NRXN1: variants seen among roughly 807,000 people sequenced by gnomAD.
NRXN1 encodes neurexin-1.
NRXN1 carries 39 observed loss-of-function variants against 150.9 expected under a neutral mutation model. That is an observed-to-expected ratio of 0.26 (90% CI 0.20 to 0.34). NRXN1 has a LOEUF of 0.34. Among genes scored for constraint, NRXN1 ranks in the 10% least tolerant of loss-of-function variants. NRXN1 has a pLI of 1.00. For synonymous variants in NRXN1, 924 were observed against 757.0 expected (o/e 1.22, Z -3.62); for missense variants, 1,815 against 1,949.9 (o/e 0.93, Z 1.30).
chr2:50,907,673 C>T (rs772925926), intron 5 of NRXN1, among the ~76,000 whole-genome samples: 2 of 151,870 alleles, frequency 1.3e-5, no homozygotes, highest in Non-Finnish European at 2.9e-5. Flanking sequence ...CTGAGAGATG[C>T]AAGGTTACTG....
intron 8 of NRXN1, among the ~76,000 whole-genome samples, chr2:50,562,040 GA>G (rs1669168067): frequency 6.6e-6 from 1 of 152,110 alleles, no homozygotes; most frequent in Admixed American, 6.6e-5. Context: ...TTCAATGGGG[GA>G]AAAGTAGCAC....
At chr2:50,564,151 T>G in intron 8 of NRXN1, among the ~76,000 whole-genome samples, 1 of 152,218 alleles carries the variant, frequency 6.6e-6, no homozygotes. Context: ...CTTGGCCAAG[T>G]TGCTTATTCT....
intron 17 of NRXN1, among the ~76,000 whole-genome samples, chr2:50,307,341 T>C (rs1032693933): frequency 2.0e-5 from 3 of 152,114 alleles, no homozygotes; most frequent in Non-Finnish European, 4.4e-5. Context: ...CTTAGAGACA[T>C]GTCAAATTAG....
intron 5 of NRXN1, among the ~76,000 whole-genome samples, chr2:50,812,063 T>C (rs1053925206): frequency 4.6e-5 from 7 of 152,238 alleles, no homozygotes; most frequent in Admixed American, 6.5e-5. Flanking sequence ...CATGTGTGCA[T>C]TGAGAAACCA....
chr2:50,987,572 T>C (rs1400790511), intron 2 of NRXN1, among the ~76,000 whole-genome samples: 1 of 151,946 alleles, frequency 6.6e-6, no homozygotes, highest in Non-Finnish European at 1.5e-5. Flanking sequence ...ATCAGAATCT[T>C]ACCAAGAAAA....
At chr2:50,981,843 A>ATGTG (rs1053795330) in intron 2 of NRXN1, among the ~76,000 whole-genome samples, 5 of 142,504 alleles carry the variant, frequency 3.5e-5, no homozygotes, top group Admixed American at 7.0e-5. Flanking sequence ...GTGTGTGTGT[A>ATGTG]TGTGTGTGTG....
rs140465570 is a variant in NRXN1 at position 50,473,999 on chromosome 2, T to C, written c.3071-1528A>G. ...TGACCTAACTAAAACTTAAGTTTTA[T>C]AACTATATAATTTGCATTGAAAGTA... On this transcript the variant is annotated intron_variant, in intron 15 of 22. Transcript: ENST00000401669. 4.5e-4 allele frequency among the ~76,000 whole-genome samples: 69 copies of C among 152,046 alleles called. No individual in the cohort carries two copies. In the East Asian group the frequency reaches 0.01, roughly 23 times the overall value.
chr2:50,812,749 T>C (rs148721134), intron 5 of NRXN1, among the ~76,000 whole-genome samples: 1 of 143,558 alleles, frequency 7.0e-6, no homozygotes, highest in African/African-American at 2.5e-5. Flanking sequence ...TGTGAGCGCA[T>C]GTGTGTGTGT....
chr2:50,219,986 T>C (rs1317492111), intron 18 of NRXN1, among the ~76,000 whole-genome samples: 1 of 25,534 alleles, frequency 3.9e-5, no homozygotes, highest in Non-Finnish European at 6.5e-5. Context: ...ATATATATAT[T>C]ATATATAATA....
intron 2 of NRXN1, among the ~76,000 whole-genome samples, chr2:50,933,827 T>A (rs1464873476): frequency 6.6e-6 from 1 of 152,112 alleles, no homozygotes; most frequent in East Asian, 1.9e-4. Context: ...AAAGAGAAAT[T>A]TCCTTTTGTA....
intron 12 of NRXN1, among the ~76,000 whole-genome samples, chr2:50,516,576 C>G (rs1189462952): frequency 6.6e-6 from 1 of 152,108 alleles, no homozygotes; most frequent in Non-Finnish European, 1.5e-5. Flanking sequence ...GGCCTGGTGC[C>G]AATCATGAAC....
rs557365184 is a variant in NRXN1 at position 50,807,208 on chromosome 2, T to TA, written c.832+114660dup. Among the ~76,000 whole-genome samples, 155 of 152,234 alleles carry TA rather than the reference T, an allele frequency of 1.0e-3. 1 individual carries two copies. Among genetic ancestry groups the TA allele is most frequent in the Non-Finnish European group, 1.8e-3 (120 of 68,000 alleles). On this transcript the variant is annotated intron_variant, in intron 5 of 22. Transcript: ENST00000401669. ...TTATAAGAAAGAAGACATAAAGATA[T>TA]AAAAAACTTTTCCTACCTCTGCCTT...
At chr2:50,407,365 G>A (rs2104012420) in intron 17 of NRXN1, among the ~76,000 whole-genome samples, 1 of 152,208 alleles carries the variant, frequency 6.6e-6, no homozygotes, top group Non-Finnish European at 1.5e-5. Flanking sequence ...CATAGGCAAT[G>A]ATACTATTAT....
chr2:50,176,959 G>A (rs542234212), intron 18 of NRXN1, among the ~76,000 whole-genome samples: 2 of 152,028 alleles, frequency 1.3e-5, no homozygotes, highest in African/African-American at 2.4e-5. Flanking sequence ...AGTAAACCGA[G>A]TTTCTGTTCT....
intron 17 of NRXN1, among the ~76,000 whole-genome samples, chr2:50,259,965 T>C (rs2068084939): frequency 6.6e-6 from 1 of 151,848 alleles, no homozygotes; most frequent in Non-Finnish European, 1.5e-5. Context: ...CCCCTGCATG[T>C]ACAGATGAAA....
chr2:50,150,677 T>C (rs1302089893), intron 18 of NRXN1, among the ~76,000 whole-genome samples: 1 of 151,788 alleles, frequency 6.6e-6, no homozygotes. Context: ...TATATTTTTT[T>C]GTTTCTACTC....
intron 2 of NRXN1, among the ~76,000 whole-genome samples, chr2:50,960,329 T>G (rs1692958416): frequency 1.4e-5 from 2 of 140,218 alleles, no homozygotes; most frequent in African/African-American, 5.1e-5. Flanking sequence ...CTCCCTCCCT[T>G]CTTCCCTCCT....
At chr2:50,894,408 A>G (rs1324283020) in intron 5 of NRXN1, among the ~76,000 whole-genome samples, 2 of 151,324 alleles carry the variant, frequency 1.3e-5, no homozygotes, top group African/African-American at 4.8e-5. Context: ...CTTCACTTTC[A>G]GCAAAAATGA....
chr2:50,522,981 C>T (rs577373049), intron 12 of NRXN1, among the ~76,000 whole-genome samples: 3 of 151,724 alleles, frequency 2.0e-5, no homozygotes, highest in Admixed American at 6.6e-5. Flanking sequence ...GTGATCCACC[C>T]GCCTCAGCCT....
Sources: gnomAD v4.1 joint callset for allele counts (sites outside exome capture counted in the v4.1 genomes callset) on GRCh38, gnomAD v4.1.1 for gene constraint, MANE v1.5 for transcripts, NCBI Gene and HGNC (gene_info 2026-07-23, HGNC 2026-07-21) for gene names.